The following BACH2 variants were observed in gnomAD, a reference collection of about 807,000 sequenced individuals.
The protein encoded by BACH2 is BACH transcriptional regulator 2.
A neutral mutation model predicts 61.8 loss-of-function variants in BACH2; 5 were observed. That is an observed-to-expected ratio of 0.08 (90% CI 0.04 to 0.17). BACH2 has a LOEUF of 0.17. BACH2 is among the 10% of genes least tolerant of loss of function. The probability of loss-of-function intolerance (pLI) is 1.00; values close to 1 mark genes in which losing one functional copy is unlikely to be tolerated. For synonymous variants in BACH2, 446 were observed against 440.1 expected (o/e 1.01, Z -0.17); for missense variants, 824 against 1,091.1 (o/e 0.76, Z 3.45).
intron 2 of BACH2, among the ~76,000 whole-genome samples, chr6:90,257,191 G>A (rs1771006569): frequency 6.6e-6 from 1 of 152,232 alleles, no homozygotes; most frequent in African/African-American, 2.4e-5. Context: ...GAACATGGGA[G>A]TGCAGACATC....
chr6:90,020,618 G>A (rs185515793), intron 5 of BACH2, among the ~76,000 whole-genome samples: 31 of 135,054 alleles, frequency 2.3e-4, no homozygotes, highest in Admixed American at 2.0e-3. Flanking sequence ...TCAGTCTTAG[G>A]TATTCAGTTA....
At chr6:89,997,253 T>A (rs999331543) in intron 6 of BACH2, among the ~76,000 whole-genome samples, 2 of 152,186 alleles carry the variant, frequency 1.3e-5, no homozygotes, top group Non-Finnish European at 2.9e-5. Flanking sequence ...CTTTGAAAGG[T>A]TACTGCACTT....
intron 4 of BACH2, among the ~76,000 whole-genome samples, chr6:90,181,230 T>G (rs1214347067): frequency 6.6e-6 from 1 of 152,204 alleles, no homozygotes; most frequent in African/African-American, 2.4e-5. Flanking sequence ...TAAGGTGGTA[T>G]GTTGTTGTGG....
intron 6 of BACH2, among the ~76,000 whole-genome samples, chr6:89,986,743 C>G (rs995050807): frequency 2.0e-5 from 3 of 152,190 alleles, no homozygotes; most frequent in African/African-American, 7.2e-5. Context: ...ATCACCCACT[C>G]AGAACCTAGA....
rs202006262 is a variant in BACH2, at chr6:89,951,581, C to G, written c.525G>C (p.Thr175=). The part of the protein sequence containing the change: ...DEEEETMDSE[T]AKMACPRDQM... ...GGTCCCTGGGGCAAGCCATCTTGGCCGTCTCTGAATCCATCGTCTCCTCCT... is the reference window on the plus strand; with the variant it reads ...GGTCCCTGGGGCAAGCCATCTTGGCGGTCTCTGAATCCATCGTCTCCTCCT... Residue 175 remains threonine, a synonymous_variant, in exon 7 of 9, where the codon ACG becomes ACC. Transcript: ENST00000257749. The surrounding 1 kb of genome is among the most constrained non-coding windows in gnomAD (Gnocchi z 6.4). 3.1e-6 allele frequency: 5 copies of G among 1,613,972 alleles called. No homozygotes were observed. In the African/African-American group the frequency reaches 6.7e-5, roughly 22 times the overall value.
In BACH2 at chr6:89,932,463, T is replaced by C. The variant is rs1445959799; in HGVS notation, c.2471A>G (p.Gln824Arg). The change falls in exon 9 of 9, where the codon CAG (glutamine) becomes CGG (arginine). Residue 824 changes from glutamine (Q) to arginine (R), a missense_variant. Transcript: ENST00000257749. Reference sequence around the variant, plus strand: ...AGTTGTACACTTATCAGTCATTTCCTGGCAGAAGTCCACGGTCACTGTTTG... The same window carrying C: ...AGTTGTACACTTATCAGTCATTTCCCGGCAGAAGTCCACGGTCACTGTTTG... ...RSQTVTVDFC[Q>R]EMTDKCTTDE... 4 of 1,614,150 alleles carry C rather than the reference T, an allele frequency of 2.5e-6. No individual in the cohort carries two copies. Among genetic ancestry groups the C allele is most frequent in the South Asian group, 1.1e-5 (1 of 91,076 alleles).
chr6:90,190,563 T>C (rs1370442121), intron 4 of BACH2, among the ~76,000 whole-genome samples: 2 of 152,216 alleles, frequency 1.3e-5, no homozygotes, highest in South Asian at 2.1e-4. Flanking sequence ...ACAAAACCCA[T>C]TTATTTTCTC....
At chr6:90,120,647 T>C (rs1456820673) in intron 4 of BACH2, among the ~76,000 whole-genome samples, 1 of 152,218 alleles carries the variant, frequency 6.6e-6, no homozygotes, top group Non-Finnish European at 1.5e-5. Context: ...GAACGGGTTT[T>C]TACTGATGAA....
chr6:89,939,000 C>T (rs1773209433), intron 7 of BACH2, among the ~76,000 whole-genome samples: 1 of 152,218 alleles, frequency 6.6e-6, no homozygotes, highest in Non-Finnish European at 1.5e-5. Flanking sequence ...AAAAGCCGTA[C>T]AGTGCTATAC....
chr6:90,272,469 A>C, intron 1 of BACH2, among the ~76,000 whole-genome samples: 1 of 149,268 alleles, frequency 6.7e-6, no homozygotes, highest in African/African-American at 2.5e-5. Context: ...CCTCCCTTGA[A>C]CTCCTCTCCT....
chr6:90,211,588 CTGTGTG>C (rs3072674), intron 3 of BACH2, among the ~76,000 whole-genome samples: 8,830 of 144,050 alleles, frequency 0.061, 836 homozygotes, highest in African/African-American at 0.21. Context: ...GTGTCAAGGG[CTGTGTG>C]TGTGTGTGTG....
chr6:89,941,536 C>T (rs947352052), intron 7 of BACH2, among the ~76,000 whole-genome samples: 2 of 152,162 alleles, frequency 1.3e-5, no homozygotes, highest in South Asian at 2.1e-4. Flanking sequence ...GTTATGGGCT[C>T]GGGAAAGGCC....
At chr6:90,053,899 G>A (rs186891272) in intron 5 of BACH2, among the ~76,000 whole-genome samples, 2 of 152,096 alleles carry the variant, frequency 1.3e-5, no homozygotes, top group Non-Finnish European at 1.5e-5. Context: ...AGTTGTGAAG[G>A]CCTTTTTATT....
intron 4 of BACH2, among the ~76,000 whole-genome samples, chr6:90,193,684 A>G (rs919668386): frequency 2.2e-4 from 33 of 152,182 alleles, no homozygotes; most frequent in African/African-American, 7.5e-4. Flanking sequence ...AAATACTTCC[A>G]CTGGGCTGAG....
rs1362698978 is a variant in BACH2, at chr6:90,031,833, T to C, written c.-12-22977A>G. On this transcript the variant is annotated intron_variant, in intron 5 of 8. Coordinates refer to ENST00000257749, the MANE Select transcript of BACH2 (RefSeq NM_021813.4). The stretch of plus-strand genomic sequence containing the variant: ...CCCATCAAGCTACCAATGACTTTCT[T>C]CACAGAATTGGAAAAAACTACTTTA... Among the ~76,000 whole-genome samples, 3 of 152,226 alleles carry C rather than the reference T, an allele frequency of 2.0e-5. No individual in the cohort carries two copies. The East Asian group carries it at 5.8e-4, about 29-fold the overall frequency.
At chr6:90,113,993 C>A (rs1183118256) in intron 4 of BACH2, among the ~76,000 whole-genome samples, 6 of 152,050 alleles carry the variant, frequency 3.9e-5, no homozygotes, top group Non-Finnish European at 8.8e-5. Flanking sequence ...CCTGAACAGA[C>A]CAACAGTGAG....
At chr6:90,063,757 C>T (rs989380630) in intron 5 of BACH2, among the ~76,000 whole-genome samples, 7 of 152,264 alleles carry the variant, frequency 4.6e-5, no homozygotes, top group Admixed American at 4.6e-4. Flanking sequence ...GATTCTAATG[C>T]CTGGCATATT....
intron 6 of BACH2, among the ~76,000 whole-genome samples, chr6:90,000,207 T>G (rs2127777868): frequency 6.6e-6 from 1 of 152,324 alleles, no homozygotes; most frequent in Admixed American, 6.5e-5. Flanking sequence ...CTCCCCTTTC[T>G]GTGGCGCTGC....
intron 4 of BACH2, among the ~76,000 whole-genome samples, chr6:90,132,678 G>GC (rs909652633): frequency 1.3e-5 from 2 of 152,090 alleles, no homozygotes; most frequent in Non-Finnish European, 2.9e-5. Context: ...TCTGGTTTGT[G>GC]CCCCAGCAAC....
Sources: gnomAD v4.1 joint callset for allele counts (sites outside exome capture counted in the v4.1 genomes callset) on GRCh38, gnomAD v4.1.1 for gene constraint, Gnocchi (gnomAD v3.1) non-coding constraint, MANE v1.5 for transcripts, NCBI Gene and HGNC (gene_info 2026-07-23, HGNC 2026-07-21) for gene names.